The following LARP1B variants were observed in gnomAD, a reference collection of about 807,000 sequenced individuals.
LARP1B encodes la-related protein 1B.
LARP1B carries 76 observed loss-of-function variants against 114.2 expected under a neutral mutation model. The observed-to-expected ratio is 0.67, with a 90% CI of 0.55 to 0.81. The LOEUF is 0.81. Ranked by LOEUF, LARP1B falls within the 30% of genes least tolerant of loss-of-function variation. LARP1B has a pLI of 0.00. For missense variants in LARP1B, 1,014 were observed against 1,075.8 expected, an observed-to-expected ratio of 0.94 and a Z score of 0.80; for synonymous variants, 345 against 348.0, an observed-to-expected ratio of 0.99 and a Z score of 0.10.
downstream of LARP1B, among the ~76,000 whole-genome samples, chr4:128,213,014 A>G (rs896237577): frequency 6.9e-6 from 1 of 145,130 alleles, no homozygotes; most frequent in Non-Finnish European, 1.5e-5. Flanking sequence ...CACCTTCCAG[A>G]TCCAAGCAAT....
chr4:128,168,140 C>T (rs945327781), intron 12 of LARP1B, among the ~76,000 whole-genome samples: 4 of 152,028 alleles, frequency 2.6e-5, no homozygotes, highest in African/African-American at 9.7e-5. Context: ...TTTGAGGGCA[C>T]TGTTGGATCA....
intron 5 of LARP1B, among the ~76,000 whole-genome samples, chr4:128,090,726 T>C (rs1005155366): frequency 6.6e-6 from 1 of 152,238 alleles, no homozygotes; most frequent in Non-Finnish European, 1.5e-5. Flanking sequence ...AACAGCACAA[T>C]CTTAATAAAA....
At chr4:128,174,349 A>G (rs1342403761) in intron 12 of LARP1B, among the ~76,000 whole-genome samples, 1 of 151,956 alleles carries the variant, frequency 6.6e-6, no homozygotes, top group Non-Finnish European at 1.5e-5. Context: ...TATATTTCCA[A>G]TAATAATATT....
chr4:128,123,128 A>G, intron 11 of LARP1B: 2 of 985,416 alleles, frequency 2.0e-6, no homozygotes, highest in South Asian at 4.7e-5. Flanking sequence ...ATCAACAAGA[A>G]GTGTGCTAGC....
At position 128,210,787 on chromosome 4, in the gene LARP1B, A is replaced by C. The variant is rs1053930537; in HGVS notation, c.*734A>C. 6.1e-6 allele frequency: 6 copies of C among 983,330 alleles called. No individual in the cohort carries two copies. The African/African-American group carries it at 1.0e-4, about 17-fold the overall frequency. 60.9% of individuals were successfully genotyped at this position (983,330 alleles called of 1,614,324 possible). A position where few individuals can be genotyped will look rare whatever the true frequency, so the allele number is the denominator to read the frequency against. On this transcript the variant is annotated 3_prime_UTR_variant, in exon 20 of 20. Coordinates refer to ENST00000326639, the MANE Select transcript of LARP1B (RefSeq NM_018078.4). The stretch of plus-strand genomic sequence containing the variant: ...TCTGAATTGGCTATAAGCTGATTAC[A>C]TATTAGAGGTTTATTTTTATGATTC...
rs541510190 is a variant in LARP1B, at chr4:128,169,032, A to G, written c.1648+6715A>G. 1.4e-4 allele frequency among the ~76,000 whole-genome samples: 21 copies of G among 152,210 alleles called. No individual in the cohort carries two copies. In the South Asian group the frequency reaches 4.3e-3, roughly 32 times the overall value. On this transcript the variant is annotated intron_variant, in intron 12 of 19. Transcript: ENST00000326639. The stretch of plus-strand genomic sequence containing the variant: ...TTTTCTCAGGTGAGCTTTTGTACCT[A>G]TTGAATTTATTCATTTCCTGGAATT...
At chr4:128,217,094 A>G (rs1432361129) in intron 6 of LARP1B, among the ~76,000 whole-genome samples, 1 of 150,194 alleles carries the variant, frequency 6.7e-6, no homozygotes, top group African/African-American at 2.5e-5. Context: ...CTAAACCAGG[A>G]AGAAATTGAA....
chr4:128,188,285 G>A (rs1302650269), intron 15 of LARP1B, among the ~76,000 whole-genome samples: 1 of 152,050 alleles, frequency 6.6e-6, no homozygotes, highest in Non-Finnish European at 1.5e-5. Flanking sequence ...ATGTTGGTCA[G>A]GCTGGTCTCG....
chr4:128,097,387 A>C (rs1054617808), intron 7 of LARP1B, among the ~76,000 whole-genome samples: 17 of 151,060 alleles, frequency 1.1e-4, no homozygotes, highest in African/African-American at 3.2e-4. Context: ...GGCTCACTGC[A>C]ATGTTTGCTG....
chr4:128,153,872 C>T lies in LARP1B; in HGVS notation c.1525-8322C>T, dbSNP rs147693107. 2.6e-5 allele frequency among the ~76,000 whole-genome samples: 4 copies of T among 152,168 alleles called. No individual in the cohort carries two copies. In the East Asian group the frequency reaches 5.8e-4, roughly 22 times the overall value. On this transcript the variant is annotated intron_variant, in intron 11 of 19. Transcript: ENST00000326639. ...TTTTAAAAAATGAAAGAAAACCCAC[C>T]CCAAACCTATATTTTTTATTTTGCT...
chr4:128,150,447 C>T (rs894655159), intron 11 of LARP1B, among the ~76,000 whole-genome samples: 4 of 151,968 alleles, frequency 2.6e-5, no homozygotes, highest in African/African-American at 9.7e-5. Context: ...CATGTGTTAC[C>T]ACACCTGACT....
intron 9 of LARP1B, chr4:128,107,961 CT>C: frequency 2.6e-6 from 4 of 1,532,412 alleles, no homozygotes; most frequent in Non-Finnish European, 3.5e-6. Flanking sequence ...ACTGAAATGC[CT>C]TTATAAATAC....
intron 6 of LARP1B, 61 bp from the exon 7 acceptor site, chr4:128,091,286 T>G (rs1241683246): frequency 6.6e-7 from 1 of 1,522,286 alleles, no homozygotes. Flanking sequence ...CTTCACTTTA[T>G]CCGTAGTAAC....
intron 1 of LARP1B, chr4:128,069,322 T>C: frequency 1.3e-6 from 1 of 799,716 alleles, no homozygotes; most frequent in South Asian, 1.3e-5. Flanking sequence ...GCTTGCCGCT[T>C]TGCAATGGAC....
chr4:128,163,917 T>C (rs1371865922), intron 12 of LARP1B, among the ~76,000 whole-genome samples: 1 of 152,142 alleles, frequency 6.6e-6, no homozygotes, highest in African/African-American at 2.4e-5. Flanking sequence ...CCCACCAAGG[T>C]TGAGCTTTGT....
At chr4:128,150,489 C>T (rs1024601808) in intron 11 of LARP1B, among the ~76,000 whole-genome samples, 7 of 151,984 alleles carry the variant, frequency 4.6e-5, no homozygotes, top group African/African-American at 1.7e-4. Context: ...GACAGTGTCT[C>T]ACTGTGTTGC....
intron 5 of LARP1B, among the ~76,000 whole-genome samples, chr4:128,084,087 C>T (rs973869330): frequency 6.6e-6 from 1 of 151,706 alleles, no homozygotes; most frequent in Non-Finnish European, 1.5e-5. Flanking sequence ...AAGAGGCGCT[C>T]CTCACTTCCT....
At chr4:128,098,769 T>TATATATATATG (rs1561201033) in intron 8 of LARP1B, among the ~76,000 whole-genome samples, 188 of 14,426 alleles carry the variant, frequency 0.013, 5 homozygotes, top group African/African-American at 0.05. Context: ...ATATATATAT[T>TATATATATATG]TTTTTTTTTT....
intron 4 of LARP1B, among the ~76,000 whole-genome samples, chr4:128,080,483 TA>T (rs545742732): frequency 4.1e-4 from 62 of 152,344 alleles, no homozygotes; most frequent in South Asian, 1.9e-3. Context: ...TAGATGCATT[TA>T]TATTCACTTT....
Sources: allele counts gnomAD v4.1 joint callset (sites outside exome capture counted in the v4.1 genomes callset), GRCh38; gene constraint gnomAD v4.1.1; transcripts MANE v1.5; gene names NCBI Gene and HGNC (gene_info 2026-07-23, HGNC 2026-07-21).